FSHR: variants seen among roughly 807,000 people sequenced by gnomAD.
The protein encoded by FSHR is follicle-stimulating hormone receptor.
A neutral mutation model predicts 52.1 loss-of-function variants in FSHR; 46 were observed. That is an observed-to-expected ratio of 0.88 (90% CI 0.70 to 1.13). The LOEUF is 1.13. Ranked by LOEUF, FSHR falls within the 50% of genes most tolerant of loss-of-function variation. The pLI is 0.00. For synonymous variants in FSHR, 399 were observed against 309.6 expected (o/e 1.29, Z -3.03); for missense variants, 964 against 834.6 (o/e 1.16, Z -1.91).
chr2:48,983,258 CA>C, intron 6 of FSHR, 92 bp from the exon 7 acceptor site: 6 of 1,189,020 alleles, frequency 5.0e-6, no homozygotes, highest in Non-Finnish European at 6.2e-6. Flanking sequence ...GGGCAGACAG[CA>C]CAGGTTAGTG....
At chr2:49,082,084 ATGGGTGATTTC>A (rs1322236292) in intron 1 of FSHR, among the ~76,000 whole-genome samples, 1 of 152,178 alleles carries the variant, frequency 6.6e-6, no homozygotes, top group Non-Finnish European at 1.5e-5. Flanking sequence ...GACACAGAAG[ATGGGTGATTTC>A]TGCATTTCCA....
intron 1 of FSHR, among the ~76,000 whole-genome samples, chr2:49,070,958 T>C (rs1352179299): frequency 6.6e-6 from 1 of 152,086 alleles, no homozygotes; most frequent in Admixed American, 6.6e-5. Flanking sequence ...CAGTGGTGAA[T>C]GCAAACCAGA....
chr2:49,024,518 C>T (rs574025658), intron 2 of FSHR, among the ~76,000 whole-genome samples: 29 of 152,118 alleles, frequency 1.9e-4, no homozygotes, highest in African/African-American at 5.8e-4. Flanking sequence ...TTGCAGTGAG[C>T]CGAGACTGTG....
At chr2:49,016,827 T>C (rs62165290) in intron 4 of FSHR, among the ~76,000 whole-genome samples, 11,295 of 152,256 alleles carry the variant, frequency 0.074, 540 homozygotes, top group Non-Finnish European at 0.11. Flanking sequence ...GTTAAGTCCA[T>C]ACCTATGATC....
At chr2:48,997,763 A>G (rs1285630683) in intron 4 of FSHR, among the ~76,000 whole-genome samples, 2 of 152,106 alleles carry the variant, frequency 1.3e-5, no homozygotes, top group East Asian at 3.9e-4. Context: ...GACCTGGGTC[A>G]TGTCTTACAT....
intron 2 of FSHR, among the ~76,000 whole-genome samples, chr2:49,039,918 T>G (rs1011822393): frequency 3.9e-5 from 1 of 25,788 alleles, no homozygotes; most frequent in Non-Finnish European, 9.3e-5. Context: ...ACTTTCTACA[T>G]TGGTGGTTTT....
intron 2 of FSHR, among the ~76,000 whole-genome samples, chr2:49,047,238 G>C (rs891164795): frequency 6.6e-6 from 1 of 152,126 alleles, no homozygotes; most frequent in Non-Finnish European, 1.5e-5. Context: ...GTCTTAACTT[G>C]GTTGGACTGA....
intron 2 of FSHR, among the ~76,000 whole-genome samples, chr2:49,064,968 T>C (rs1669449140): frequency 6.6e-6 from 1 of 152,102 alleles, no homozygotes; most frequent in Non-Finnish European, 1.5e-5. Context: ...ATAAGAACAG[T>C]GTGAAAGTAT....
In FSHR at chr2:49,117,548, C is replaced by G. The variant is rs915083219; in HGVS notation, c.152+36718G>C. Among the ~76,000 whole-genome samples the G allele has an allele frequency of 4.6e-5, 7 of 152,100 alleles. No homozygotes were observed. In the East Asian group the frequency reaches 7.7e-4, roughly 17 times the overall value. On this transcript the variant is annotated intron_variant, in intron 1 of 9. Coordinates refer to ENST00000406846, the MANE Select transcript of FSHR (RefSeq NM_000145.4). ...TTATGCTGAGGAGCTATAAGAGTTC[C>G]GAAGACTGGGGTTTTATTCCAGGTA...
intron 1 of FSHR, among the ~76,000 whole-genome samples, chr2:49,085,544 G>A (rs1369117753): frequency 2.6e-5 from 4 of 152,142 alleles, no homozygotes; most frequent in Non-Finnish European, 4.4e-5. Context: ...TTTTGGAATA[G>A]GTGTGGTGTG....
chr2:49,005,950 C>T (rs1043033608), intron 4 of FSHR, among the ~76,000 whole-genome samples: 8 of 152,104 alleles, frequency 5.3e-5, no homozygotes, highest in Non-Finnish European at 5.9e-5. Flanking sequence ...ATCTAATCAG[C>T]TGCCAGCATG....
chr2:49,103,393 A>T (rs7563620), intron 1 of FSHR, among the ~76,000 whole-genome samples: 33,986 of 152,168 alleles, frequency 0.22, 3,823 homozygotes, highest in East Asian at 0.29. Context: ...ATAAGACAAG[A>T]TTTAGAAACA....
intron 1 of FSHR, among the ~76,000 whole-genome samples, chr2:49,100,750 T>C (rs1670997480): frequency 6.6e-6 from 1 of 152,224 alleles, no homozygotes; most frequent in Non-Finnish European, 1.5e-5. Context: ...GCACTATCAA[T>C]CTAAATCATT....
intron 1 of FSHR, among the ~76,000 whole-genome samples, chr2:49,147,941 G>A (rs960328802): frequency 1.3e-5 from 2 of 151,944 alleles, no homozygotes; most frequent in Non-Finnish European, 2.9e-5. Flanking sequence ...CTCCAAACAT[G>A]GGCACTCAGG....
At chr2:49,084,976 T>C (rs1670319492) in intron 1 of FSHR, among the ~76,000 whole-genome samples, 1 of 151,958 alleles carries the variant, frequency 6.6e-6, no homozygotes, top group South Asian at 2.1e-4. Flanking sequence ...AAAGACGGAA[T>C]CCTCCCTAAC....
chr2:49,091,063 T>C (rs1401563425), intron 1 of FSHR, among the ~76,000 whole-genome samples: 1 of 152,118 alleles, frequency 6.6e-6, no homozygotes, highest in East Asian at 1.9e-4. Context: ...ATCTGTAGTT[T>C]GTCCTTCATT....
intron 8 of FSHR, among the ~76,000 whole-genome samples, chr2:48,980,607 A>G (rs1030984474): frequency 4.6e-5 from 7 of 152,128 alleles, no homozygotes; most frequent in Non-Finnish European, 2.9e-5. Flanking sequence ...GCTGGTGTTA[A>G]TAGTTATTTT....
chr2:49,090,132 T>A (rs1449247190), intron 1 of FSHR, among the ~76,000 whole-genome samples: 1 of 102,324 alleles, frequency 9.8e-6, no homozygotes, highest in African/African-American at 4.2e-5. Flanking sequence ...CGAGTGTGTG[T>A]GTGTGTGTGT....
intron 4 of FSHR, among the ~76,000 whole-genome samples, chr2:49,013,923 A>G (rs949417021): frequency 2.6e-5 from 4 of 152,046 alleles, no homozygotes; most frequent in Non-Finnish European, 4.4e-5. Context: ...AAAGAGGAAG[A>G]GACATGGGAT....
Sources: allele counts gnomAD v4.1 joint callset (sites outside exome capture counted in the v4.1 genomes callset), GRCh38; gene constraint gnomAD v4.1.1; transcripts MANE v1.5; gene names NCBI Gene and HGNC (gene_info 2026-07-23, HGNC 2026-07-21).